The following KIRREL3 variants were observed in gnomAD, a reference collection of about 807,000 sequenced individuals.
The protein encoded by KIRREL3 is kin of IRRE-like protein 3.
In KIRREL3, 36 loss-of-function variants were observed where a neutral mutation model predicts 89.7. That is an observed-to-expected ratio of 0.40 (90% CI 0.31 to 0.53). KIRREL3 has a LOEUF of 0.53. Ranked by LOEUF, KIRREL3 falls within the 20% of genes least tolerant of loss-of-function variation. The probability of loss-of-function intolerance (pLI) is 0.49; values close to 1 mark genes in which losing one functional copy is unlikely to be tolerated. For missense variants in KIRREL3, 864 were observed against 1,056.6 expected (o/e 0.82, Z 2.53); for synonymous variants, 445 against 441.4 (o/e 1.01, Z -0.10).
rs1949991114 is a variant in KIRREL3, at chr11:126,990,229, C to G, written c.55+10226G>C. ...CCGTGTGGTGGGCTGAGCTTCCTCG[C>G]TCCCTCTCTTTGAAGCTCTCTCAAG... On this transcript the variant is annotated intron_variant, in intron 1 of 16. Transcript: ENST00000525144. This position sits in a 1 kb window ranked among gnomAD's most constrained non-coding sequence, Gnocchi z 6.3. Among the ~76,000 whole-genome samples, 1 of 152,144 alleles carries G rather than the reference C, an allele frequency of 6.6e-6. No individual in the cohort carries two copies. Among genetic ancestry groups the G allele is most frequent in the South Asian group, 2.1e-4 (1 of 4,826 alleles).
intron 1 of KIRREL3, among the ~76,000 whole-genome samples, chr11:126,706,179 C>T (rs1216858480): frequency 1.3e-5 from 2 of 152,176 alleles, no homozygotes; most frequent in Admixed American, 6.5e-5. Context: ...AAAGTTAGTA[C>T]ATGGTGGGTT....
Position 126,551,336 on chromosome 11 carries a change from G to T in KIRREL3, c.133+11499C>A, listed in dbSNP as rs1328895784. On this transcript the variant is annotated intron_variant, in intron 2 of 16. Coordinates refer to ENST00000525144, the MANE Select transcript of KIRREL3 (RefSeq NM_032531.4). The surrounding 1 kb of genome is among the most constrained non-coding windows in gnomAD (Gnocchi z 4.9). ...GGTGAAAGGTTAGAGTCCTGCGATG[G>T]GGCAGGGGAAAGGAGGGCCGGAGAG... is the stretch of plus-strand genomic sequence containing the variant. Among the ~76,000 whole-genome samples the T allele has an allele frequency of 6.6e-6, 1 of 152,100 alleles. No individual in the cohort carries two copies. The highest frequency in any genetic ancestry group is 1.5e-5 in the Non-Finnish European group (1 of 68,024).
At chr11:126,700,193 CA>C (rs10572797) in intron 1 of KIRREL3, among the ~76,000 whole-genome samples, 47,485 of 143,760 alleles carry the variant, frequency 0.33, 7,982 homozygotes, top group African/African-American at 0.45. Flanking sequence ...GACTTTGTCA[CA>C]AAAAAAAAAA....
chr11:126,710,589 C>T lies in KIRREL3; in HGVS notation c.56-147677G>A, dbSNP rs1271095158. On this transcript the variant is annotated intron_variant, in intron 1 of 16. Transcript: ENST00000525144. The surrounding 1 kb of genome is among the most constrained non-coding windows in gnomAD (Gnocchi z 4.2). ...GATGCACCCTGTGAATAACCATCACCCCCATATCTACTAGGGCAGGCACCC... is the reference window on the plus strand; with the variant it reads ...GATGCACCCTGTGAATAACCATCACTCCCATATCTACTAGGGCAGGCACCC... Among the ~76,000 whole-genome samples the T allele has an allele frequency of 6.6e-6, 1 of 152,148 alleles. No homozygotes were observed. The highest frequency in any genetic ancestry group is 1.5e-5 in the Non-Finnish European group (1 of 68,028).
rs10790855 is a variant in KIRREL3 at position 126,905,518 on chromosome 11, A to G, written c.55+94937T>C. 0.13 allele frequency among the ~76,000 whole-genome samples: 19,209 copies of G among 152,114 alleles called. 1,527 individuals carry two copies. Among genetic ancestry groups the G allele is most frequent in the East Asian group, 0.41 (2,109 of 5,158 alleles). ...AGGCAATTTGTGGCATTTACTGTTC[A>G]TCGCTCAGGGGTCAGAGGGTGGGGA... On this transcript the variant is annotated intron_variant, in intron 1 of 16. Coordinates refer to ENST00000525144, the MANE Select transcript of KIRREL3 (RefSeq NM_032531.4). This position sits in a 1 kb window ranked among gnomAD's most constrained non-coding sequence, Gnocchi z 5.0.
rs1944481099 is a variant in KIRREL3, at chr11:126,641,711, T to G, written c.56-78799A>C. 6.6e-6 allele frequency among the ~76,000 whole-genome samples: 1 copy of G among 152,196 alleles called. No homozygotes were observed. Among genetic ancestry groups the G allele is most frequent in the Non-Finnish European group, 1.5e-5 (1 of 68,032 alleles). On this transcript the variant is annotated intron_variant, in intron 1 of 16. Coordinates refer to ENST00000525144, the MANE Select transcript of KIRREL3 (RefSeq NM_032531.4). The surrounding 1 kb of genome is among the most constrained non-coding windows in gnomAD (Gnocchi z 5.0). ...TAACACAAGTCTTTCTCCTTCTCTC[T>G]TTGTACCCAGAGGCTCCAGCATATT...
chr11:126,975,772 C>T (rs1949547927), intron 1 of KIRREL3, among the ~76,000 whole-genome samples: 1 of 152,178 alleles, frequency 6.6e-6, no homozygotes, highest in South Asian at 2.1e-4. Flanking sequence ...AGTTGATTCT[C>T]ATGCACAATA....
In KIRREL3 at chr11:126,541,461, C is replaced by T. The variant is rs1158317111; in HGVS notation, c.134-14774G>A. Among the ~76,000 whole-genome samples the T allele has an allele frequency of 1.3e-5, 2 of 152,168 alleles. No homozygotes were observed. The highest frequency in any genetic ancestry group is 4.8e-5 in the African/African-American group (2 of 41,424). On this transcript the variant is annotated intron_variant, in intron 2 of 16. Transcript: ENST00000525144. The surrounding 1 kb of genome is among the most constrained non-coding windows in gnomAD (Gnocchi z 4.8). ...AAGGTGCAAAGAAGTGAAAGCAAGT[C>T]TCTCAAGGACACTTGGCCTTTTGGG... is the stretch of plus-strand genomic sequence containing the variant.
In KIRREL3 at chr11:126,904,964, TAC is replaced by T. The variant is rs1186679051; in HGVS notation, c.55+95489_55+95490del. Among the ~76,000 whole-genome samples the T allele has an allele frequency of 2.6e-5, 4 of 151,456 alleles. No individual in the cohort carries two copies. Among genetic ancestry groups the T allele is most frequent in the African/African-American group, 9.7e-5 (4 of 41,316 alleles). On this transcript the variant is annotated intron_variant, in intron 1 of 16. Transcript: ENST00000525144. The surrounding 1 kb of genome is among the most constrained non-coding windows in gnomAD (Gnocchi z 4.4). Reference sequence around the variant, plus strand: ...ATGATGATGATGATGATGATGATGATACAGAAATAGTGTGTAAAAAAATTCAT... The same window carrying T: ...ATGATGATGATGATGATGATGATGATAGAAATAGTGTGTAAAAAAATTCAT...
In KIRREL3 at chr11:126,867,791, C is replaced by T. The variant is rs964723241; in HGVS notation, c.55+132664G>A. Reference sequence around the variant, plus strand: ...TATGAGCCTTTAACCACAATTTTTACTGCCGCTCAGTCCAGTATGACTTCT... The same window carrying T: ...TATGAGCCTTTAACCACAATTTTTATTGCCGCTCAGTCCAGTATGACTTCT... On this transcript the variant is annotated intron_variant, in intron 1 of 16. Transcript: ENST00000525144. This position sits in a 1 kb window ranked among gnomAD's most constrained non-coding sequence, Gnocchi z 4.7. Among the ~76,000 whole-genome samples, 1 of 152,158 alleles carries T rather than the reference C, an allele frequency of 6.6e-6. No homozygotes were observed. Among genetic ancestry groups the T allele is most frequent in the Non-Finnish European group, 1.5e-5 (1 of 68,036 alleles).
Position 126,614,144 on chromosome 11 carries a change from A to G in KIRREL3, c.56-51232T>C, listed in dbSNP as rs1469809214. ...TGTAAGTGGGGAGTAGGGAAGATTT[A>G]TAAAAGAGAAGGGGGATTAACATGT... On this transcript the variant is annotated intron_variant, in intron 1 of 16. Transcript: ENST00000525144. The surrounding 1 kb of genome is among the most constrained non-coding windows in gnomAD (Gnocchi z 4.6). Among the ~76,000 whole-genome samples the G allele has an allele frequency of 6.6e-6, 1 of 152,158 alleles. No homozygotes were observed. Among genetic ancestry groups the G allele is most frequent in the Non-Finnish European group, 1.5e-5 (1 of 68,016 alleles).
In KIRREL3 at chr11:126,516,112, C is replaced by T. The variant is rs985398419; in HGVS notation, c.433+5203G>A. Among the ~76,000 whole-genome samples the T allele has an allele frequency of 2.6e-5, 4 of 152,220 alleles. No homozygotes were observed. Among genetic ancestry groups the T allele is most frequent in the Non-Finnish European group, 4.4e-5 (3 of 68,052 alleles). On this transcript the variant is annotated intron_variant, in intron 4 of 16. Transcript: ENST00000525144. The surrounding 1 kb of genome is among the most constrained non-coding windows in gnomAD (Gnocchi z 4.9). ...TTGAAAAACAAACTAGTTAAGGACA[C>T]GTCACAGATTGGACCTTATCTGTTT... is the stretch of plus-strand genomic sequence containing the variant.
rs536338652 is a variant in KIRREL3 at position 126,788,791 on chromosome 11, C to T, written c.55+211664G>A. 4.4e-4 allele frequency among the ~76,000 whole-genome samples: 67 copies of T among 152,310 alleles called. No homozygotes were observed. Among genetic ancestry groups the T allele is most frequent in the African/African-American group, 1.6e-3 (65 of 41,556 alleles). On this transcript the variant is annotated intron_variant, in intron 1 of 16. Coordinates refer to ENST00000525144, the MANE Select transcript of KIRREL3 (RefSeq NM_032531.4). This position sits in a 1 kb window ranked among gnomAD's most constrained non-coding sequence, Gnocchi z 4.1. ...TCCAGGCAGCTGCATGTTGTATTAT[C>T]CGCATCATAGGGCAAGGAGAGAGAA...
intron 1 of KIRREL3, among the ~76,000 whole-genome samples, chr11:126,902,079 G>T (rs1946393150): frequency 6.6e-6 from 1 of 152,226 alleles, no homozygotes; most frequent in African/African-American, 2.4e-5. Flanking sequence ...ATTCTGCAAA[G>T]ACTATCCTGG....
At chr11:126,810,096 G>A (rs890040569) in intron 1 of KIRREL3, among the ~76,000 whole-genome samples, 2 of 152,156 alleles carry the variant, frequency 1.3e-5, no homozygotes, top group African/African-American at 2.4e-5. Flanking sequence ...GGGCACTGGA[G>A]CAGCAAAGTG....
rs1317204985 is a variant in KIRREL3, at chr11:126,755,404, C to G, written c.56-192492G>C. 1.3e-5 allele frequency among the ~76,000 whole-genome samples: 2 copies of G among 152,062 alleles called. No individual in the cohort carries two copies. Among genetic ancestry groups the G allele is most frequent in the Non-Finnish European group, 2.9e-5 (2 of 68,016 alleles). On this transcript the variant is annotated intron_variant, in intron 1 of 16. Transcript: ENST00000525144. The surrounding 1 kb of genome is among the most constrained non-coding windows in gnomAD (Gnocchi z 4.3). ...GGAACATGACAGGAAAAGAACCCAG[C>G]TTCATGAAGAAATTCTAATTTTCAG...
At chr11:126,749,386 G>A (rs548146300) in intron 1 of KIRREL3, among the ~76,000 whole-genome samples, 2 of 152,110 alleles carry the variant, frequency 1.3e-5, no homozygotes, top group African/African-American at 4.8e-5. Context: ...AAATTGCTCC[G>A]ACTTGCGTGG....
intron 6 of KIRREL3, among the ~76,000 whole-genome samples, chr11:126,458,831 G>A (rs1956455141): frequency 6.6e-6 from 1 of 152,210 alleles, no homozygotes; most frequent in African/African-American, 2.4e-5. Flanking sequence ...GGGTTACAAG[G>A]AATAGCCACG....
chr11:126,489,137 T>C lies in KIRREL3; in HGVS notation c.434-15671A>G, dbSNP rs1957443486. On this transcript the variant is annotated intron_variant, in intron 4 of 16. Transcript: ENST00000525144. The surrounding 1 kb of genome is among the most constrained non-coding windows in gnomAD (Gnocchi z 5.5). ...GCATCCCAGGGCTCAGCCTGGGACCTCAGCATGGGGCTGAGCAGGACGGAA... is the reference window on the plus strand; with the variant it reads ...GCATCCCAGGGCTCAGCCTGGGACCCCAGCATGGGGCTGAGCAGGACGGAA... Among the ~76,000 whole-genome samples the C allele has an allele frequency of 6.6e-6, 1 of 152,158 alleles. No homozygotes were observed. The highest frequency in any genetic ancestry group is 2.1e-4 in the South Asian group (1 of 4,822).
Sources: gnomAD v4.1 joint callset for allele counts (sites outside exome capture counted in the v4.1 genomes callset) on GRCh38, gnomAD v4.1.1 for gene constraint, Gnocchi (gnomAD v3.1) non-coding constraint, MANE v1.5 for transcripts, NCBI Gene and HGNC (gene_info 2026-07-23, HGNC 2026-07-21) for gene names.